The following PIK3R3 variants were observed in gnomAD, a reference collection of about 807,000 sequenced individuals.
The protein encoded by PIK3R3 is phosphatidylinositol 3-kinase regulatory subunit gamma.
A neutral mutation model predicts 62.9 loss-of-function variants in PIK3R3; 64 were observed. That is an observed-to-expected ratio of 1.02 (90% CI 0.83 to 1.25). PIK3R3 has a LOEUF of 1.25. Among genes scored for constraint, PIK3R3 ranks in the 50% most tolerant of loss-of-function variants. The pLI, the probability that PIK3R3 is intolerant of heterozygous loss-of-function variation, is 0.00. For synonymous variants in PIK3R3, 165 were observed against 189.0 expected, an observed-to-expected ratio of 0.87 and a Z score of 1.04; for missense variants, 614 against 561.6, an observed-to-expected ratio of 1.09 and a Z score of -0.94.
At chr1:46,164,814 A>C in the PIK3R3 span, among the ~76,000 whole-genome samples, 1 of 151,746 alleles carries the variant, frequency 6.6e-6, no homozygotes, top group East Asian at 1.9e-4. Context: ...TGTCATTAAC[A>C]TCCTTCTCTT....
chr1:46,121,281 T>G (rs1198670370), intron 1 of PIK3R3, among the ~76,000 whole-genome samples: 1 of 152,232 alleles, frequency 6.6e-6, no homozygotes. Context: ...ATTCTATAAA[T>G]GTCTATTAGA....
intron 3 of PIK3R3, among the ~76,000 whole-genome samples, chr1:46,074,492 C>T (rs901838385): frequency 6.6e-6 from 1 of 151,866 alleles, no homozygotes; most frequent in Non-Finnish European, 1.5e-5. Flanking sequence ...AAACTTTGTA[C>T]CTCATCTTTA....
chr1:46,112,047 G>A (rs1303700840), intron 1 of PIK3R3, among the ~76,000 whole-genome samples: 1 of 151,974 alleles, frequency 6.6e-6, no homozygotes, highest in Non-Finnish European at 1.5e-5. Flanking sequence ...ATTGTCACAT[G>A]TCCTCCTACG....
At chr1:46,097,426 T>C (rs1269439897) in intron 1 of PIK3R3, among the ~76,000 whole-genome samples, 1 of 151,676 alleles carries the variant, frequency 6.6e-6, no homozygotes, top group South Asian at 2.1e-4. Context: ...ATGATAAAAA[T>C]ACTCAAAAAC....
At chr1:46,091,481 C>T (rs11211254) in intron 1 of PIK3R3, among the ~76,000 whole-genome samples, 4 of 69,496 alleles carry the variant, frequency 5.8e-5, no homozygotes, top group Admixed American at 4.6e-4. Flanking sequence ...CACACACACA[C>T]ATACACACAC....
At chr1:46,139,999 G>A in the PIK3R3 span, among the ~76,000 whole-genome samples, 1 of 151,932 alleles carries the variant, frequency 6.6e-6, no homozygotes, top group Non-Finnish European at 1.5e-5. Context: ...TTTTTTTGAG[G>A]GACAAGAGGA....
In PIK3R3 at chr1:46,118,350, C is replaced by T. The variant is rs917059737; in HGVS notation, c.106+13497G>A. On this transcript the variant is annotated intron_variant, in intron 1 of 9. Transcript: ENST00000262741. ...CCCTCAGCTTGACTGTTGCAATAGC[C>T]TCCTAACCAGTTTCTCTAATTCTAC... is the stretch of plus-strand genomic sequence containing the variant. Among the ~76,000 whole-genome samples the T allele has an allele frequency of 2.0e-5, 3 of 152,078 alleles. No individual in the cohort carries two copies. In the East Asian group the frequency reaches 5.8e-4, roughly 29 times the overall value.
chr1:46,127,669 C>A (rs938159181), intron 1 of PIK3R3, among the ~76,000 whole-genome samples: 2 of 152,118 alleles, frequency 1.3e-5, no homozygotes, highest in African/African-American at 4.8e-5. Flanking sequence ...CAAGACTAAC[C>A]AAGATGCTTA....
chr1:46,082,314 T>C (rs529724231), intron 1 of PIK3R3, among the ~76,000 whole-genome samples: 1 of 152,308 alleles, frequency 6.6e-6, no homozygotes, highest in South Asian at 2.1e-4. Flanking sequence ...CAAAATAACT[T>C]ACCTGTAATC....
chr1:46,088,783 C>T (rs967360427), intron 1 of PIK3R3, among the ~76,000 whole-genome samples: 7 of 151,304 alleles, frequency 4.6e-5, no homozygotes, highest in African/African-American at 1.7e-4. Context: ...CAGAGTATGC[C>T]ACACAATGAA....
chr1:46,144,545 G>A, the PIK3R3 span, among the ~76,000 whole-genome samples: 9 of 152,234 alleles, frequency 5.9e-5, no homozygotes, highest in South Asian at 2.1e-4. Context: ...CGAGGCGGGC[G>A]AATCGCAAGG....
chr1:46,076,758 C>T (rs1650101961), intron 3 of PIK3R3, among the ~76,000 whole-genome samples: 1 of 152,092 alleles, frequency 6.6e-6, no homozygotes, highest in African/African-American at 2.4e-5. Context: ...CCATGTTAAC[C>T]CTTAGTTACC....
intron 5 of PIK3R3, 58 bp downstream of exon 5, chr1:46,065,996 A>G: frequency 7.3e-6 from 11 of 1,514,928 alleles, no homozygotes; most frequent in African/African-American, 1.4e-5. Context: ...ATGATCGAAA[A>G]TTTGATGTAA....
chr1:46,142,358 T>G, the PIK3R3 span, among the ~76,000 whole-genome samples: 1 of 152,110 alleles, frequency 6.6e-6, no homozygotes, highest in African/African-American at 2.4e-5. Context: ...GAAGAAAACA[T>G]GTACAAAACC....
chr1:46,158,358 C>T, the PIK3R3 span, among the ~76,000 whole-genome samples: 2 of 152,222 alleles, frequency 1.3e-5, no homozygotes, highest in Admixed American at 1.3e-4. Context: ...TCCCCCACCC[C>T]ACTTGTGACT....
At chr1:46,058,051 T>C (rs1648102673) in intron 6 of PIK3R3, among the ~76,000 whole-genome samples, 1 of 152,188 alleles carries the variant, frequency 6.6e-6, no homozygotes, top group African/African-American at 2.4e-5. Context: ...CCCTGAGCTG[T>C]GTGCAGCCTA....
chr1:46,148,922 C>A, the PIK3R3 span, among the ~76,000 whole-genome samples: 2 of 152,110 alleles, frequency 1.3e-5, no homozygotes, highest in Non-Finnish European at 2.9e-5. Flanking sequence ...AGGCTGAGAC[C>A]TGCTGGGCTG....
At chr1:46,071,730 T>TAGAGAGAGAGAGAGAGAGAG (rs140765040) in intron 3 of PIK3R3, among the ~76,000 whole-genome samples, 9 of 59,062 alleles carry the variant, frequency 1.5e-4, no homozygotes, top group African/African-American at 7.1e-4. Context: ...TATATATATA[T>TAGAGAGAGAGAGAGAGAGAG]AGAGAGAGAG....
At chr1:46,159,929 C>G in the PIK3R3 span, among the ~76,000 whole-genome samples, 1 of 152,146 alleles carries the variant, frequency 6.6e-6, no homozygotes, top group Non-Finnish European at 1.5e-5. Flanking sequence ...CTTTTACTCT[C>G]CAGCCCTCTC....
Sources: allele counts gnomAD v4.1 joint callset (sites outside exome capture counted in the v4.1 genomes callset), GRCh38; gene constraint gnomAD v4.1.1; transcripts MANE v1.5; gene names NCBI Gene and HGNC (gene_info 2026-07-23, HGNC 2026-07-21).